The following GREM2 variants were observed in gnomAD, a reference collection of about 807,000 sequenced individuals.
GREM2 encodes the protein gremlin-2.
A neutral mutation model predicts 14.2 loss-of-function variants in GREM2; 11 were observed. The ratio of observed to expected loss-of-function variants is 0.78; its 90% CI spans 0.49 to 1.28. GREM2 has a LOEUF of 1.28. Among genes scored for constraint, GREM2 ranks in the 50% most tolerant of loss-of-function variants. The pLI, the probability that GREM2 is intolerant of heterozygous loss-of-function variation, is 0.00. For missense variants in GREM2, 210 were observed against 218.5 expected (o/e 0.96, Z 0.24); for synonymous variants, 98 against 97.6 (o/e 1.00, Z -0.02).
At chr1:240,499,275 C>T (rs1364055350) in intron 1 of GREM2, among the ~76,000 whole-genome samples, 1 of 152,210 alleles carries the variant, frequency 6.6e-6, no homozygotes, top group Non-Finnish European at 1.5e-5. Context: ...CAAGAGTGGC[C>T]TTCTTGAGTT....
At chr1:240,505,154 G>A (rs1677650696) in intron 1 of GREM2, among the ~76,000 whole-genome samples, 2 of 152,122 alleles carry the variant, frequency 1.3e-5, no homozygotes, top group Admixed American at 6.5e-5. Context: ...CATGTGAGAA[G>A]TGCTGGCTCC....
intron 1 of GREM2, among the ~76,000 whole-genome samples, chr1:240,590,986 T>C (rs555290202): frequency 1.3e-5 from 2 of 151,584 alleles, no homozygotes; most frequent in East Asian, 2.0e-4. Context: ...TTCACCAGGT[T>C]GGCCAGGCTG....
At chr1:240,519,466 C>T (rs1000098960) in intron 1 of GREM2, among the ~76,000 whole-genome samples, 2 of 151,936 alleles carry the variant, frequency 1.3e-5, no homozygotes, top group African/African-American at 4.8e-5. Flanking sequence ...TTCCCATATT[C>T]CCACCGATAA....
At chr1:240,594,623 A>G (rs994261572) in intron 1 of GREM2, among the ~76,000 whole-genome samples, 1 of 152,116 alleles carries the variant, frequency 6.6e-6, no homozygotes, top group African/African-American at 2.4e-5. Flanking sequence ...TTTGGCATAG[A>G]TCTTCTTATA....
chr1:240,559,080 C>T (rs558410731), intron 1 of GREM2, among the ~76,000 whole-genome samples: 1 of 151,920 alleles, frequency 6.6e-6, no homozygotes, highest in African/African-American at 2.4e-5. Context: ...GTTAGTATAC[C>T]AAAATTTGAC....
intron 1 of GREM2, among the ~76,000 whole-genome samples, chr1:240,539,901 T>C (rs750072618): frequency 6.6e-6 from 1 of 152,238 alleles, no homozygotes. Context: ...CATTCTGTTG[T>C]TGATGCCTCC....
Position 240,492,941 on chromosome 1 carries a change from C to A in GREM2, c.*28G>T. The A allele has an allele frequency of 7.0e-7, 1 of 1,432,076 alleles. No homozygotes were observed. Among genetic ancestry groups the A allele is most frequent in the South Asian group, 1.7e-5 (1 of 59,302 alleles). 88.7% of individuals were successfully genotyped at this position (1,432,076 alleles called of 1,614,324 possible). On this transcript the variant is annotated 3_prime_UTR_variant, in exon 2 of 2. Transcript: ENST00000318160. ...GCGCCACCCAGCGGCCGGGCGCGCG[C>A]GGGGCTGAGCTGCGTCCGGCCCGGC... is the stretch of plus-strand genomic sequence containing the variant.
At chr1:240,560,283 C>T (rs1429264932) in intron 1 of GREM2, among the ~76,000 whole-genome samples, 1 of 152,124 alleles carries the variant, frequency 6.6e-6, no homozygotes, top group Non-Finnish European at 1.5e-5. Flanking sequence ...TTGGGTGATA[C>T]TGCCGCCATG....
chr1:240,585,422 T>C (rs1454574253), intron 1 of GREM2, among the ~76,000 whole-genome samples: 4 of 151,908 alleles, frequency 2.6e-5, no homozygotes, highest in Admixed American at 2.6e-4. Context: ...CAGACTGCAG[T>C]CTCGGGATTA....
In GREM2 at chr1:240,492,999, G is replaced by C. The variant is rs772933668; in HGVS notation, c.477C>G (p.Ser159=). Residue 159 remains serine, a synonymous_variant, in exon 2 of 2, where the codon TCC becomes TCG. Coordinates refer to ENST00000318160, the MANE Select transcript of GREM2 (RefSeq NM_022469.4). ...GCTTGTCCGAGTCGCTCAGGTTCACGGACATGCACCGGCACTGCTTCACCT... is the reference window on the plus strand; with the variant it reads ...GCTTGTCCGAGTCGCTCAGGTTCACCGACATGCACCGGCACTGCTTCACCT... ...IQKVKQCRCM[S]VNLSDSDKQ 6 of 1,562,282 alleles carry C rather than the reference G, an allele frequency of 3.8e-6. No individual in the cohort carries two copies. In the African/African-American group the frequency reaches 5.4e-5, roughly 14 times the overall value.
chr1:240,532,478 A>G (rs1678383060), intron 1 of GREM2, among the ~76,000 whole-genome samples: 1 of 152,150 alleles, frequency 6.6e-6, no homozygotes, highest in South Asian at 2.1e-4. Context: ...AAGTTATGCA[A>G]TTGGTTTTCA....
At chr1:240,536,692 G>A (rs551403960) in intron 1 of GREM2, among the ~76,000 whole-genome samples, 73 of 123,814 alleles carry the variant, frequency 5.9e-4, no homozygotes, top group South Asian at 1.4e-3. Context: ...AAATGGCAGC[G>A]GGGGCTGTAG....
At position 240,532,961 on chromosome 1, in the gene GREM2, A is replaced by G. The variant is rs1042223295; in HGVS notation, c.-1-39485T>C. On this transcript the variant is annotated intron_variant, in intron 1 of 1. Coordinates refer to ENST00000318160, the MANE Select transcript of GREM2 (RefSeq NM_022469.4). ...AGTTTTCTGAGCTTTATTTATATTC[A>G]TTATTCATTCAACCCGTAACAAGCA... Among the ~76,000 whole-genome samples the G allele has an allele frequency of 4.6e-5, 7 of 152,176 alleles. No individual in the cohort carries two copies. The East Asian group carries it at 1.3e-3, about 29-fold the overall frequency.
At chr1:240,516,305 T>C (rs1330886382) in intron 1 of GREM2, among the ~76,000 whole-genome samples, 1 of 152,068 alleles carries the variant, frequency 6.6e-6, no homozygotes, top group Non-Finnish European at 1.5e-5. Context: ...CGCAAAATGA[T>C]CTTAGGTCAG....
chr1:240,537,568 T>G (rs765477362), intron 1 of GREM2, among the ~76,000 whole-genome samples: 55 of 152,246 alleles, frequency 3.6e-4, no homozygotes, highest in Admixed American at 1.1e-3. Flanking sequence ...GTGGATCACC[T>G]GAGGTCAAGA....
At chr1:240,591,066 C>T (rs1311403840) in intron 1 of GREM2, among the ~76,000 whole-genome samples, 2 of 152,160 alleles carry the variant, frequency 1.3e-5, no homozygotes, top group Non-Finnish European at 2.9e-5. Flanking sequence ...AGGCGTGAGC[C>T]ACCATGCCCA....
chr1:240,534,752 C>G (rs887030953), intron 1 of GREM2, among the ~76,000 whole-genome samples: 1 of 151,196 alleles, frequency 6.6e-6, no homozygotes, highest in Non-Finnish European at 1.5e-5. Flanking sequence ...TGAGGAAAAG[C>G]TAAAATGCAG....
At chr1:240,548,260 G>A (rs1053619185) in intron 1 of GREM2, among the ~76,000 whole-genome samples, 1 of 152,014 alleles carries the variant, frequency 6.6e-6, no homozygotes, top group African/African-American at 2.4e-5. Context: ...GGGCTATAGA[G>A]TGAGACTCTG....
intron 1 of GREM2, among the ~76,000 whole-genome samples, chr1:240,558,021 A>G (rs1678981907): frequency 1.3e-5 from 2 of 152,230 alleles, no homozygotes; most frequent in African/African-American, 2.4e-5. Flanking sequence ...AATCATGCAT[A>G]CATATATAAT....
Sources: gnomAD v4.1 joint callset for allele counts (sites outside exome capture counted in the v4.1 genomes callset) on GRCh38, gnomAD v4.1.1 for gene constraint, MANE v1.5 for transcripts, NCBI Gene and HGNC (gene_info 2026-07-23, HGNC 2026-07-21) for gene names.